Variants in FOXO1 observed in about 807,000 individuals in gnomAD.
FOXO1 encodes the protein forkhead box protein O1.
A neutral mutation model predicts 44.1 loss-of-function variants in FOXO1; 6 were observed. That is an observed-to-expected ratio of 0.14 (90% confidence interval 0.07 to 0.27). The LOEUF (loss-of-function observed/expected upper bound fraction) is 0.27, where lower values mean the gene tolerates loss of function less well. Ranked by LOEUF, FOXO1 falls within the 10% of genes least tolerant of loss-of-function variation. FOXO1 has a pLI of 1.00. For missense variants in FOXO1, 737 were observed against 888.8 expected, an observed-to-expected ratio of 0.83 and a Z score of 2.17; for synonymous variants, 380 against 362.7, an observed-to-expected ratio of 1.05 and a Z score of -0.54.
chr13:40,609,069 G>A (rs1876128392), intron 1 of FOXO1, among the ~76,000 whole-genome samples: 1 of 152,088 alleles, frequency 6.6e-6, no homozygotes, highest in Admixed American at 6.5e-5. Context: ...GACATTCAAT[G>A]TAAATGTCCT....
chr13:40,578,534 C>CT (rs1874844091), intron 1 of FOXO1, among the ~76,000 whole-genome samples: 1 of 152,158 alleles, frequency 6.6e-6, no homozygotes, highest in African/African-American at 2.4e-5. Context: ...CCTCTGGACT[C>CT]TTCCCTGCAA....
chr13:40,590,850 C>A (rs942710851), intron 1 of FOXO1, among the ~76,000 whole-genome samples: 6 of 151,984 alleles, frequency 3.9e-5, no homozygotes, highest in Non-Finnish European at 8.8e-5. Flanking sequence ...TTCAAAAATA[C>A]CAAATTGTTC....
chr13:40,655,325 G>T (rs1877820732), intron 1 of FOXO1, among the ~76,000 whole-genome samples: 1 of 146,882 alleles, frequency 6.8e-6, no homozygotes, highest in Non-Finnish European at 1.5e-5. Flanking sequence ...ACTCCAGCTT[G>T]GTGACAGAGT....
Position 40,560,355 on chromosome 13 carries a change from T to C in FOXO1, c.1136A>G (p.Asn379Ser), listed in dbSNP as rs1482745245. The change falls in exon 2 of 3, where the codon AAC (asparagine) becomes AGC (serine). Residue 379 changes from asparagine (N) to serine (S), a missense_variant. Around this residue, in one of 7 missense-constraint regions of FOXO1, gnomAD observed 136 missense variants for 186.4 expected, o/e 0.73. Transcript: ENST00000379561. The surrounding 1 kb of genome is among the most constrained non-coding windows in gnomAD (Gnocchi z 5.1). ...ENMENLLDNL[N>S]LLSSPTSLTV... ...TAATGATGTTGGTGATGAGAGAAGG[T>C]TGAGATTATCCAAAAGATTTTCCAT... The C allele has an allele frequency of 1.2e-6, 2 of 1,613,960 alleles. No individual in the cohort carries two copies. Among genetic ancestry groups the C allele is most frequent in the East Asian group, 2.2e-5 (1 of 44,876 alleles).
At chr13:40,568,205 C>A (rs1358235037) in intron 1 of FOXO1, among the ~76,000 whole-genome samples, 1 of 152,190 alleles carries the variant, frequency 6.6e-6, no homozygotes, top group African/African-American at 2.4e-5. Flanking sequence ...AAGAACTTCA[C>A]ACTCAGAAAC....
chr13:40,664,978 G>A (rs1046000271), intron 1 of FOXO1, among the ~76,000 whole-genome samples: 15 of 151,954 alleles, frequency 9.9e-5, no homozygotes, highest in African/African-American at 3.6e-4. Context: ...CCCGGCACTC[G>A]AGGCCACTCC....
intron 1 of FOXO1, among the ~76,000 whole-genome samples, chr13:40,586,333 GA>G: frequency 6.6e-6 from 1 of 152,300 alleles, no homozygotes; most frequent in African/African-American, 2.4e-5. Flanking sequence ...GAAACAGAAG[GA>G]AACATACTAC....
chr13:40,560,055 G>T lies in FOXO1; in HGVS notation c.1436C>A (p.Pro479Gln). 1 of 1,614,110 alleles carries T rather than the reference G, an allele frequency of 6.2e-7. No individual in the cohort carries two copies. The highest frequency in any genetic ancestry group is 2.2e-5 in the East Asian group (1 of 44,882). ...GGGCTGGGCTACCCCAGGATCAACT[G>T]GTGTCATAATGTCATTATGGGGAGG... Reference protein sequence around the residue: ...DSPPHNDIMTPVDPGVAQPNS... With the variant: ...DSPPHNDIMTQVDPGVAQPNS... The change falls in exon 2 of 3, where the codon CCA becomes CAA. Residue 479 changes from proline to glutamine, a missense_variant. Physicochemically the swap from Pro to Gln is moderately conservative, Grantham distance 76. Coordinates refer to ENST00000379561, the MANE Select transcript of FOXO1 (RefSeq NM_002015.4). The surrounding 1 kb of genome is among the most constrained non-coding windows in gnomAD (Gnocchi z 5.1).
rs745385825 is a variant in FOXO1, at chr13:40,559,635, C to T, written c.1856G>A (p.Arg619Gln). The T allele has an allele frequency of 6.8e-6, 11 of 1,614,056 alleles. No homozygotes were observed. The highest frequency in any genetic ancestry group is 3.3e-5 in the Admixed American group (2 of 60,002). ...RLDCDMESII[R>Q]NDLMDGDTLD... is the part of the protein sequence containing the mutation. ...TGTATCTCCATCCATGAGGTCATTC[C>T]GAATGATGGATTCCATGTCACAGTC... Residue 619 changes from arginine (R) to glutamine (Q), a missense_variant, in exon 2 of 3, where the codon CGG becomes CAG. Coordinates refer to ENST00000379561, the MANE Select transcript of FOXO1 (RefSeq NM_002015.4).
intron 1 of FOXO1, among the ~76,000 whole-genome samples, chr13:40,636,260 A>G (rs1200621980): frequency 1.3e-5 from 2 of 152,036 alleles, no homozygotes; most frequent in Non-Finnish European, 2.9e-5. Context: ...TCTGTTAAAC[A>G]TTTGCCACAC....
chr13:40,597,810 T>C (rs892926600), intron 1 of FOXO1, among the ~76,000 whole-genome samples: 4 of 152,160 alleles, frequency 2.6e-5, no homozygotes, highest in African/African-American at 7.2e-5. Flanking sequence ...AAGGGCCTTT[T>C]CAAAGGGATT....
At position 40,665,958 on chromosome 13, in the gene FOXO1, C is replaced by T; in HGVS notation, c.255G>A (p.Gln85=). 5.7e-6 allele frequency: 7 copies of T among 1,229,078 alleles called. No homozygotes were observed. Among genetic ancestry groups the T allele is most frequent in the Non-Finnish European group, 7.1e-6 (7 of 988,866 alleles). 76.1% of individuals were successfully genotyped at this position (1,229,078 alleles called of 1,614,324 possible). Residue 85 remains glutamine (Q), a synonymous_variant, in exon 1 of 3, where the codon CAG becomes CAA. Transcript: ENST00000379561. ...CCGCCGCCGCCACGGAGCCGGGCGC[C>T]TGCGGGAAGTCCTCGCTCTCCTCCA... ...SLLEESEDFP[Q]APGSVAAAVA... is the part of the protein sequence containing the mutation.
chr13:40,651,098 GTTTTTTGTTTTTGT>G (rs1184956071), intron 1 of FOXO1, among the ~76,000 whole-genome samples: 7 of 149,164 alleles, frequency 4.7e-5, no homozygotes, highest in African/African-American at 1.7e-4. Flanking sequence ...TTTGTTTTTT[GTTTTTTGTTTTTGT>G]TTTTTTTTAA....
At chr13:40,664,377 G>A (rs1686517524) in intron 1 of FOXO1, among the ~76,000 whole-genome samples, 1 of 152,112 alleles carries the variant, frequency 6.6e-6, no homozygotes, top group South Asian at 2.1e-4. Context: ...GCCACGACTG[G>A]ACCCCGCCCC....
rs1445873396 is a variant in FOXO1 at position 40,557,150 on chromosome 13, T to A, written c.*1899A>T. 2.0e-5 allele frequency: 3 copies of A among 152,210 alleles called. No homozygotes were observed. The highest frequency in any genetic ancestry group is 6.5e-5 in the Admixed American group (1 of 15,280). 9.4% of individuals were successfully genotyped at this position (152,210 alleles called of 1,614,324 possible). ...AAATACCAAGCCAATGAAGATGCAA[T>A]TAACATACAAGACAAAGCAAGTGTG... is the stretch of plus-strand genomic sequence containing the variant. On this transcript the variant is annotated 3_prime_UTR_variant, in exon 3 of 3. Transcript: ENST00000379561.
Position 40,651,064 on chromosome 13 carries a change from C to A in FOXO1, c.630+14519G>T, listed in dbSNP as rs12585452. On this transcript the variant is annotated intron_variant, in intron 1 of 2. Coordinates refer to ENST00000379561, the MANE Select transcript of FOXO1 (RefSeq NM_002015.4). ...CTGGGGTTACAGGTGTGAGCCACCA[C>A]GCACTGCCTAGTTTTTTTGGTTTTT... 2.9e-4 allele frequency among the ~76,000 whole-genome samples: 44 copies of A among 151,908 alleles called. No homozygotes were observed. In the Middle Eastern group the frequency reaches 0.01, roughly 35 times the overall value.
chr13:40,605,929 C>A (rs1282909612), intron 1 of FOXO1, among the ~76,000 whole-genome samples: 1 of 151,988 alleles, frequency 6.6e-6, no homozygotes, highest in African/African-American at 2.4e-5. Flanking sequence ...GCCTAATAAT[C>A]TAGAAAACGT....
intron 2 of FOXO1, 130 bp downstream of exon 2, chr13:40,559,379 T>C (rs181811457): frequency 1.7e-5 from 13 of 785,572 alleles, no homozygotes; most frequent in Admixed American, 6.3e-5. Flanking sequence ...AGAGAATGAA[T>C]GATAAAAGAT....
At chr13:40,636,178 C>G (rs915478142) in intron 1 of FOXO1, among the ~76,000 whole-genome samples, 1 of 151,896 alleles carries the variant, frequency 6.6e-6, no homozygotes, top group Non-Finnish European at 1.5e-5. Context: ...TCTCACCACC[C>G]TACTCCAACC....
Sources: allele counts gnomAD v4.1 joint callset (sites outside exome capture counted in the v4.1 genomes callset), GRCh38; gene constraint gnomAD v4.1.1; regional missense constraint gnomAD v4.1.1; non-coding constraint Gnocchi (gnomAD v3.1); transcripts MANE v1.5; gene names NCBI Gene and HGNC (gene_info 2026-07-23, HGNC 2026-07-21).